ACAP2: variants seen among roughly 807,000 people sequenced by gnomAD.
The protein encoded by ACAP2 is arf-GAP with coiled-coil, ANK repeat and PH domain-containing protein 2.
Under a neutral mutation model 115.8 loss-of-function variants are expected in ACAP2, and 39 were observed. That is an observed-to-expected ratio of 0.34 (90% CI 0.26 to 0.44). The LOEUF (loss-of-function observed/expected upper bound fraction) is 0.44. Among genes scored for constraint, ACAP2 ranks in the 20% least tolerant of loss-of-function variants. ACAP2 has a pLI of 1.00. For missense variants in ACAP2, 662 were observed against 927.6 expected (o/e 0.71, Z 3.72); for synonymous variants, 289 against 315.8 (o/e 0.92, Z 0.90).
At chr3:195,383,049 T>C (rs1274602599) in intron 2 of ACAP2, among the ~76,000 whole-genome samples, 1 of 152,104 alleles carries the variant, frequency 6.6e-6, no homozygotes, top group African/African-American at 2.4e-5. Context: ...TATGTGACCA[T>C]GGAATTCTTG....
chr3:195,412,511 C>T (rs1713363894), intron 1 of ACAP2, among the ~76,000 whole-genome samples: 1 of 152,028 alleles, frequency 6.6e-6, no homozygotes, highest in African/African-American at 2.4e-5. Context: ...ACTCAGGAGG[C>T]TGAGGCAGGA....
At chr3:195,359,465 T>TTTTG (rs1279457318) in intron 4 of ACAP2, among the ~76,000 whole-genome samples, 10 of 152,148 alleles carry the variant, frequency 6.6e-5, no homozygotes, top group East Asian at 5.8e-4. Context: ...AGTATTGAGT[T>TTTTG]TTTGTTTGTT....
intron 1 of ACAP2, among the ~76,000 whole-genome samples, chr3:195,426,195 A>G (rs1457450620): frequency 2.0e-5 from 3 of 152,082 alleles, no homozygotes; most frequent in Non-Finnish European, 4.4e-5. Flanking sequence ...CTTGAAGATC[A>G]AGCTCCTTTC....
At position 195,357,506 on chromosome 3, in the gene ACAP2, T is replaced by TAC. The variant is rs548060305; in HGVS notation, c.286-12191_286-12190dup. 1.0e-3 allele frequency among the ~76,000 whole-genome samples: 156 copies of TAC among 152,238 alleles called. 3 individuals carry two copies. Among genetic ancestry groups the TAC allele is most frequent in the Non-Finnish European group, 2.8e-4 (19 of 68,012 alleles). On this transcript the variant is annotated intron_variant, in intron 4 of 22. Transcript: ENST00000326793. ...ACACAGCTTGCAGCCAGGTAATAGT[T>TAC]ACAGCAGGACATGGGCAAGACACGG...
chr3:195,340,721 G>A (rs1247461622), intron 6 of ACAP2, among the ~76,000 whole-genome samples: 1 of 152,162 alleles, frequency 6.6e-6, no homozygotes, highest in Admixed American at 6.5e-5. Flanking sequence ...TACGTCTAGT[G>A]AATAAAACCT....
chr3:195,373,220 G>T (rs78576233), intron 4 of ACAP2, among the ~76,000 whole-genome samples: 164 of 151,638 alleles, frequency 1.1e-3, no homozygotes, highest in African/African-American at 3.8e-3. Flanking sequence ...GAGCCCAGAA[G>T]TTCGTTTAAA....
intron 13 of ACAP2, among the ~76,000 whole-genome samples, chr3:195,304,163 CAAAAAAAAAAAAAAAAAA>C (rs56055597): frequency 4.7e-5 from 3 of 63,278 alleles, no homozygotes; most frequent in Non-Finnish European, 7.9e-5. Flanking sequence ...GACTCCATCT[CAAAAAAAAAAAAAAAAAA>C]AAAAAAAAAA....
chr3:195,414,697 CAT>C (rs1713570290), intron 1 of ACAP2, among the ~76,000 whole-genome samples: 1 of 152,160 alleles, frequency 6.6e-6, no homozygotes, highest in South Asian at 2.1e-4. Context: ...TGAGCAACCA[CAT>C]GACACTCAAA....
intron 9 of ACAP2, among the ~76,000 whole-genome samples, chr3:195,321,819 G>A (rs1297345992): frequency 6.6e-6 from 1 of 151,958 alleles, no homozygotes; most frequent in Non-Finnish European, 1.5e-5. Context: ...CACCATGTTA[G>A]CCAGGCTGGT....
At chr3:195,363,648 A>AC (rs1560288912) in intron 4 of ACAP2, among the ~76,000 whole-genome samples, 60 of 82,694 alleles carry the variant, frequency 7.3e-4, no homozygotes, top group East Asian at 4.3e-3. Context: ...CACACACACA[A>AC]AAACAGAATA....
chr3:195,283,963 T>A (rs1726676805), intron 22 of ACAP2, among the ~76,000 whole-genome samples: 3 of 152,136 alleles, frequency 2.0e-5, no homozygotes, highest in African/African-American at 4.8e-5. Flanking sequence ...ATATATAAAC[T>A]CAAAAATGAC....
intron 19 of ACAP2, 98 bp from the exon 20 acceptor site, chr3:195,291,913 G>A: frequency 1.0e-6 from 1 of 1,001,934 alleles, no homozygotes; most frequent in African/African-American, 1.7e-5. Flanking sequence ...TACTCAAATA[G>A]CATTTCCATT....
chr3:195,393,431 T>C (rs1029403283), intron 1 of ACAP2, among the ~76,000 whole-genome samples: 5 of 152,222 alleles, frequency 3.3e-5, no homozygotes, highest in Non-Finnish European at 7.3e-5. Context: ...AAGAAGTGTT[T>C]AAATCTCTAA....
intron 1 of ACAP2, among the ~76,000 whole-genome samples, chr3:195,395,184 T>G (rs1396803302): frequency 1.3e-5 from 2 of 152,088 alleles, no homozygotes; most frequent in African/African-American, 4.8e-5. Flanking sequence ...CACATAACTT[T>G]TATAAAAATG....
intron 4 of ACAP2, among the ~76,000 whole-genome samples, chr3:195,378,267 C>T (rs541666301): frequency 6.6e-5 from 10 of 151,924 alleles, no homozygotes; most frequent in African/African-American, 2.2e-4. Flanking sequence ...CCAAGGCAGG[C>T]GGATCACAAG....
chr3:195,321,072 A>G (rs1729417462), intron 9 of ACAP2, among the ~76,000 whole-genome samples: 1 of 152,164 alleles, frequency 6.6e-6, no homozygotes, highest in Admixed American at 6.6e-5. Flanking sequence ...TATATAGAAT[A>G]TAGTGCAAAA....
intron 10 of ACAP2, among the ~76,000 whole-genome samples, chr3:195,314,148 T>C (rs1247026455): frequency 6.6e-6 from 1 of 151,872 alleles, no homozygotes. Context: ...ATTAAAACTA[T>C]CTGGAAATTC....
chr3:195,341,149 G>A (rs1730838964), intron 6 of ACAP2, among the ~76,000 whole-genome samples: 1 of 151,984 alleles, frequency 6.6e-6, no homozygotes, highest in African/African-American at 2.4e-5. Flanking sequence ...TAAATTCCAT[G>A]ATATATAGAA....
At chr3:195,429,517 A>G (rs1038617746) in intron 1 of ACAP2, among the ~76,000 whole-genome samples, 2 of 152,218 alleles carry the variant, frequency 1.3e-5, no homozygotes, top group African/African-American at 4.8e-5. Flanking sequence ...TATAATGTTC[A>G]ACGATAGGCA....
Sources: allele counts gnomAD v4.1 joint callset (sites outside exome capture counted in the v4.1 genomes callset), GRCh38; gene constraint gnomAD v4.1.1; transcripts MANE v1.5; gene names NCBI Gene and HGNC (gene_info 2026-07-23, HGNC 2026-07-21).